The following OVAAL variants were observed in gnomAD, a reference collection of about 807,000 sequenced individuals.
OVAAL encodes long intergenic non-protein coding RNA 1131.
intron 2 of OVAAL, among the ~76,000 whole-genome samples, chr1:180,562,819 A>G (rs368342810): frequency 3.5e-4 from 53 of 152,366 alleles, no homozygotes; most frequent in African/African-American, 1.3e-3. Context: ...GCAGGCCACT[A>G]TAGTTAGAGT....
At chr1:180,561,462 A>G (rs1327778408) in intron 1 of OVAAL, among the ~76,000 whole-genome samples, 3 of 116,298 alleles carry the variant, frequency 2.6e-5, no homozygotes, top group East Asian at 5.4e-4. Flanking sequence ...GGAACAGGAG[A>G]TCCATGGATA....
intron 2 of OVAAL, among the ~76,000 whole-genome samples, chr1:180,562,796 G>A (rs1363742500): frequency 3.9e-5 from 6 of 152,226 alleles, no homozygotes; most frequent in East Asian, 1.9e-4. Flanking sequence ...AATGCCTAAG[G>A]CATGATATGT....
intron 1 of OVAAL, among the ~76,000 whole-genome samples, chr1:180,559,574 A>G (rs577823006): frequency 9.2e-5 from 14 of 152,312 alleles, no homozygotes; most frequent in Admixed American, 3.3e-4. Flanking sequence ...GAAACAGAGC[A>G]TAAAAGTTCA....
chr1:180,560,334 A>G (rs1294563219), intron 1 of OVAAL, among the ~76,000 whole-genome samples: 2 of 152,184 alleles, frequency 1.3e-5, no homozygotes, highest in South Asian at 2.1e-4. Context: ...AGAACTGTGT[A>G]TCTCTTCAGA....
chr1:180,565,954 T>C (rs1653282081), exon 3 of OVAAL: 1 of 152,210 alleles, frequency 6.6e-6, no homozygotes, highest in African/African-American at 2.4e-5. Context: ...CAGTGCTTTT[T>C]AAAGGTAGCA....
At position 180,559,904 on chromosome 1, in the gene OVAAL, TAAAAAAA is replaced by T. The variant is rs35042780; in HGVS notation, n.373-2289_373-2283del. Among the ~76,000 whole-genome samples the T allele has an allele frequency of 6.3e-4, 88 of 140,326 alleles. 1 individual carries two copies. The East Asian group carries it at 0.017, about 28-fold the overall frequency. 92.1% of individuals were successfully genotyped at this position (140,326 alleles called of 152,430 possible). A position where few individuals can be genotyped will look rare whatever the true frequency, so the allele number is the denominator to read the frequency against. Reference sequence around the variant, plus strand: ...CTGGGTGACAGAGCCAGACTCCATTTAAAAAAAAAAAAAAAAAGAATGACTGAAACTA... The same window carrying T: ...CTGGGTGACAGAGCCAGACTCCATTTAAAAAAAAAAGAATGACTGAAACTA... On this transcript the variant is annotated intron_variant and non_coding_transcript_variant, in intron 1 of 2. Transcript: ENST00000673955.
chr1:180,561,386 G>C (rs1653196407), intron 1 of OVAAL, among the ~76,000 whole-genome samples: 1 of 152,132 alleles, frequency 6.6e-6, no homozygotes, highest in Non-Finnish European at 1.5e-5. Flanking sequence ...TTTGCTGTCA[G>C]AACAATCCAG....
intron 1 of OVAAL, among the ~76,000 whole-genome samples, chr1:180,562,046 C>T (rs1231721363): frequency 6.6e-6 from 1 of 151,604 alleles, no homozygotes; most frequent in Non-Finnish European, 1.5e-5. Flanking sequence ...AAATAGAGTT[C>T]GCTTTTCCTT....
At chr1:180,562,416 G>A (rs534524890) in intron 2 of OVAAL, 2 of 152,308 alleles carry the variant, frequency 1.3e-5, no homozygotes, top group South Asian at 4.1e-4. Context: ...GTTTATCCCA[G>A]TTAAGTGATA....
intron 1 of OVAAL, among the ~76,000 whole-genome samples, chr1:180,560,881 T>C (rs1366205730): frequency 6.6e-6 from 1 of 152,246 alleles, no homozygotes; most frequent in Admixed American, 6.5e-5. Flanking sequence ...AATTAAATTA[T>C]GTTTAAATAT....
intron 1 of OVAAL, chr1:180,559,047 C>T (rs115722982): frequency 0.017 from 2,690 of 154,214 alleles, 33 homozygotes; most frequent in South Asian, 0.037. Context: ...TCCCCAGCCA[C>T]GTGGAACTGT....
Position 180,559,863 on chromosome 1 carries a change from G to A in OVAAL, n.373-2341G>A, listed in dbSNP as rs375295823. 8.7e-5 allele frequency among the ~76,000 whole-genome samples: 13 copies of A among 148,924 alleles called. 2 individuals carry two copies. Among genetic ancestry groups the A allele is most frequent in the East Asian group, 3.9e-4 (2 of 5,074 alleles). ...GGAGGTTGCAGTGAGCCAAGATCAC[G>A]ACACTGCACTCCAGCCTGGGTGACA... On this transcript the variant is annotated intron_variant and non_coding_transcript_variant, in intron 1 of 2. Coordinates refer to ENST00000673955, the Ensembl canonical transcript of OVAAL.
At chr1:180,561,308 G>A (rs1200872430) in intron 1 of OVAAL, among the ~76,000 whole-genome samples, 1 of 152,182 alleles carries the variant, frequency 6.6e-6, no homozygotes, top group African/African-American at 2.4e-5. Flanking sequence ...TGCAGTTATG[G>A]CAAGAAGTGG....
intron 2 of OVAAL, among the ~76,000 whole-genome samples, chr1:180,564,771 G>GAAT (rs1653263805): frequency 6.6e-6 from 1 of 152,110 alleles, no homozygotes; most frequent in African/African-American, 2.4e-5. Context: ...TCCTAGGCCA[G>GAAT]TGGTTCTCAC....
intron 1 of OVAAL, chr1:180,562,112 C>T (rs1557912682): frequency 6.6e-6 from 1 of 152,188 alleles, no homozygotes; most frequent in East Asian, 1.9e-4. Context: ...TCCACTTTGG[C>T]TATGGCAGCA....
At chr1:180,564,357 C>T (rs959634911) in intron 2 of OVAAL, among the ~76,000 whole-genome samples, 4 of 151,964 alleles carry the variant, frequency 2.6e-5, no homozygotes, top group South Asian at 2.1e-4. Context: ...AAAATTATCA[C>T]GGTTTATTTG....
chr1:180,563,936 T>C (rs1653252018), intron 2 of OVAAL, among the ~76,000 whole-genome samples: 1 of 152,172 alleles, frequency 6.6e-6, no homozygotes, highest in Non-Finnish European at 1.5e-5. Flanking sequence ...AACAATGGCC[T>C]GACCATCACC....
intron 1 of OVAAL, among the ~76,000 whole-genome samples, chr1:180,560,424 A>G (rs1241393524): frequency 6.6e-6 from 1 of 152,066 alleles, no homozygotes; most frequent in East Asian, 1.9e-4. Context: ...TAGAACCAGG[A>G]TCATACAAAG....
intron 2 of OVAAL, among the ~76,000 whole-genome samples, chr1:180,562,915 C>A (rs1266038494): frequency 1.3e-5 from 2 of 152,190 alleles, no homozygotes; most frequent in Admixed American, 6.5e-5. Flanking sequence ...ATTTCCTAGT[C>A]ACAAAGATAA....
Sources: gnomAD v4.1 joint callset for allele counts (sites outside exome capture counted in the v4.1 genomes callset) on GRCh38, gnomAD v4.1.1 for gene constraint, MANE v1.5 for transcripts, NCBI Gene and HGNC (gene_info 2026-07-23, HGNC 2026-07-21) for gene names.